The following KLF8 variants were observed in gnomAD, a reference collection of about 807,000 sequenced individuals.
KLF8 encodes the protein Krueppel-like factor 8.
KLF8 carries 10 observed loss-of-function variants against 18.2 expected under a neutral mutation model. The observed-to-expected ratio is 0.55, with a 90% CI of 0.34 to 0.93. The LOEUF is 0.93. KLF8 is among the 40% of genes least tolerant of loss of function. The pLI, the probability that KLF8 is intolerant of heterozygous loss-of-function variation, is 0.02. For synonymous variants in KLF8, 109 were observed against 97.3 expected (o/e 1.12, Z -0.71); for missense variants, 264 against 277.9 (o/e 0.95, Z 0.36).
the KLF8 span, among the ~76,000 whole-genome samples, chrX:55,975,832 AG>A: frequency 8.9e-6 from 1 of 111,988 alleles, no homozygotes; most frequent in African/African-American, 3.2e-5. Flanking sequence ...ATTCATGGCC[AG>A]GCGCGGTGGC....
intron 1 of KLF8, among the ~76,000 whole-genome samples, chrX:56,239,950 G>A (rs1237367926): frequency 8.9e-6 from 1 of 111,877 alleles, no homozygotes; most frequent in Non-Finnish European, 1.9e-5. Flanking sequence ...ACATGATGCT[G>A]AGCATATATT....
At chrX:56,017,675 G>T in the KLF8 span, among the ~76,000 whole-genome samples, 1 of 111,504 alleles carries the variant, frequency 9.0e-6, no homozygotes, top group Non-Finnish European at 1.9e-5. Context: ...ATAATCTTAA[G>T]TGGAATGGAT....
the KLF8 span, among the ~76,000 whole-genome samples, chrX:56,003,447 TAAA>T: frequency 9.7e-6 from 1 of 103,134 alleles, no homozygotes; most frequent in Non-Finnish European, 2.0e-5. Context: ...AATAAATAAA[TAAA>T]AGTCTGAACT....
the KLF8 span, among the ~76,000 whole-genome samples, chrX:55,951,512 G>C: frequency 9.2e-6 from 1 of 108,437 alleles, no homozygotes; most frequent in African/African-American, 3.3e-5. Context: ...GAAAGAAAAA[G>C]AAAGAGATTG....
At chrX:55,946,240 A>G in the KLF8 span, among the ~76,000 whole-genome samples, 13 of 112,004 alleles carry the variant, frequency 1.2e-4, no homozygotes, top group East Asian at 3.3e-3. Flanking sequence ...AAACTATACT[A>G]CAATGCTACA....
At chrX:56,084,518 G>A in the KLF8 span, among the ~76,000 whole-genome samples, 2 of 112,056 alleles carry the variant, frequency 1.8e-5, no homozygotes, top group African/African-American at 6.5e-5. Flanking sequence ...TAGGCTCTTG[G>A]CAATTTTAAT....
At chrX:55,941,802 C>A in the KLF8 span, among the ~76,000 whole-genome samples, 1 of 111,827 alleles carries the variant, frequency 8.9e-6, no homozygotes, top group African/African-American at 3.3e-5. Flanking sequence ...GAATGCAAAA[C>A]GAAACCACAA....
At chrX:56,272,385 A>G (rs1285084602) in intron 5 of KLF8, among the ~76,000 whole-genome samples, 2 of 110,686 alleles carry the variant, frequency 1.8e-5, no homozygotes, top group African/African-American at 6.6e-5. Flanking sequence ...TAATTTTTCT[A>G]TTTTTAGTAG....
At chrX:55,966,578 AT>A in the KLF8 span, among the ~76,000 whole-genome samples, 16 of 112,355 alleles carry the variant, frequency 1.4e-4, no homozygotes, top group African/African-American at 5.2e-4. Flanking sequence ...TAATGCAGAT[AT>A]GTCTGCAGTG....
chrX:56,271,910 G>A (rs2067062217), intron 5 of KLF8, among the ~76,000 whole-genome samples: 2 of 111,353 alleles, frequency 1.8e-5, no homozygotes, highest in Non-Finnish European at 3.8e-5. Flanking sequence ...CCTTCTAGGA[G>A]GTCCCAAGTG....
chrX:56,184,028 G>C, the KLF8 span, among the ~76,000 whole-genome samples: 1 of 112,039 alleles, frequency 8.9e-6, no homozygotes, highest in South Asian at 3.8e-4. Context: ...GCACAGGACA[G>C]TGGGTGCAGT....
chrX:55,967,167 G>A, the KLF8 span, among the ~76,000 whole-genome samples: 1 of 111,439 alleles, frequency 9.0e-6, no homozygotes, highest in Non-Finnish European at 1.9e-5. Flanking sequence ...GCCTTAAAGG[G>A]GAGGTAGACA....
chrX:56,009,564 T>A, the KLF8 span, among the ~76,000 whole-genome samples: 65 of 111,984 alleles, frequency 5.8e-4, no homozygotes, highest in East Asian at 0.016. Context: ...CTCCAAATGA[T>A]CACAACACCA....
the KLF8 span, among the ~76,000 whole-genome samples, chrX:55,909,125 T>C: frequency 4.5e-5 from 5 of 112,047 alleles, no homozygotes; most frequent in Admixed American, 2.8e-4. Flanking sequence ...CTGAAGCCTC[T>C]AGCTGTGAGC....
the KLF8 span, among the ~76,000 whole-genome samples, chrX:55,978,164 T>C: frequency 1.8e-5 from 2 of 111,148 alleles, no homozygotes; most frequent in Non-Finnish European, 3.8e-5. Context: ...TCCATTCTCA[T>C]TTTGATTTGT....
chrX:56,201,901 T>A, the KLF8 span, among the ~76,000 whole-genome samples: 1 of 111,551 alleles, frequency 9.0e-6, no homozygotes, highest in Non-Finnish European at 1.9e-5. Flanking sequence ...ATACATGAGT[T>A]ATTTCGTTTA....
chrX:56,180,640 C>T, the KLF8 span, among the ~76,000 whole-genome samples: 1 of 109,192 alleles, frequency 9.2e-6, no homozygotes, highest in Non-Finnish European at 1.9e-5. Context: ...TAAATGTGTC[C>T]CCGAGATTGT....
chrX:56,190,326 A>G, the KLF8 span, among the ~76,000 whole-genome samples: 4 of 111,529 alleles, frequency 3.6e-5, no homozygotes, highest in East Asian at 1.1e-3. Flanking sequence ...ACTCAGATAT[A>G]TAAAGCAATT....
At chrX:56,007,619 T>G in the KLF8 span, among the ~76,000 whole-genome samples, 1 of 111,690 alleles carries the variant, frequency 9.0e-6, no homozygotes, top group Non-Finnish European at 1.9e-5. Flanking sequence ...TCCAGTGTTC[T>G]CTCTTAAACT....
Sources: allele counts gnomAD v4.1 joint callset (sites outside exome capture counted in the v4.1 genomes callset), GRCh38; gene constraint gnomAD v4.1.1; transcripts MANE v1.5; gene names NCBI Gene and HGNC (gene_info 2026-07-23, HGNC 2026-07-21).